The following IRS2 variants were observed in gnomAD, a reference collection of about 807,000 sequenced individuals.
IRS2 encodes insulin receptor substrate 2.
IRS2 carries 28 observed loss-of-function variants against 70.9 expected under a neutral mutation model. The observed-to-expected ratio is 0.39, with a 90% CI of 0.29 to 0.54. IRS2 has a LOEUF of 0.54. Among genes scored for constraint, IRS2 ranks in the 20% least tolerant of loss-of-function variants. The probability of loss-of-function intolerance (pLI) is 0.59; values close to 1 mark genes in which losing one functional copy is unlikely to be tolerated. For synonymous variants in IRS2, 1,217 were observed against 981.9 expected, an observed-to-expected ratio of 1.24 and a Z score of -4.48; for missense variants, 2,081 against 2,024.1, an observed-to-expected ratio of 1.03 and a Z score of -0.54.
intron 1 of IRS2, among the ~76,000 whole-genome samples, chr13:109,757,550 G>A (rs1196930667): frequency 6.6e-6 from 1 of 151,978 alleles, no homozygotes; most frequent in Non-Finnish European, 1.5e-5. Context: ...TGAACTCGAG[G>A]CACTACATGC....
chr13:109,784,376 A>C lies in IRS2; in HGVS notation c.1678T>G (p.Ser560Ala). The change falls in exon 1 of 2, where the codon TCG becomes GCG. Residue 560 changes from serine (S) to alanine (A), a missense_variant. Around this residue, in one of 4 missense-constraint regions of IRS2, gnomAD observed 1,615 missense variants for 1,459.5 expected, o/e 1.11. Transcript: ENST00000375856. This position sits in a 1 kb window ranked among gnomAD's most constrained non-coding sequence, Gnocchi z 5.2. ...SHCGRSYRRV[S>A]GDAAQDLDRG... is the part of the protein sequence containing the mutation. The stretch of plus-strand genomic sequence containing the variant: ...TCCAGGTCCTGGGCCGCGTCCCCCG[A>C]GACCCGGCGGTAGGAGCGGCCACAG... 6.2e-7 allele frequency: 1 copy of C among 1,610,186 alleles called. No homozygotes were observed. The highest frequency in any genetic ancestry group is 8.5e-7 in the Non-Finnish European group (1 of 1,179,430).
intron 1 of IRS2, among the ~76,000 whole-genome samples, chr13:109,770,787 C>A (rs958183239): frequency 6.6e-6 from 1 of 152,232 alleles, no homozygotes; most frequent in South Asian, 2.1e-4. Context: ...GACATCTACT[C>A]TTGTGCTGAC....
At position 109,784,933 on chromosome 13, in the gene IRS2, CCCGCCGCCGCG is replaced by C; in HGVS notation, c.1110_1120del (p.Ala371SerfsTer164). On this transcript the variant is annotated frameshift_variant, in exon 1 of 2. Coordinates refer to ENST00000375856, the MANE Select transcript of IRS2 (RefSeq NM_003749.3). LOFTEE classifies it high-confidence loss of function. The surrounding 1 kb of genome is among the most constrained non-coding windows in gnomAD (Gnocchi z 5.2). ...CGGCCTGGCGCCCGCGGCCGCCGCT[CCCGCCGCCGCG>C]CCGCCGTCGCCCTCGCTGGCGGTGC... 9.3e-7 allele frequency: 1 copy of C among 1,080,838 alleles called. No homozygotes were observed. The highest frequency in any genetic ancestry group is 1.1e-6 in the Non-Finnish European group (1 of 893,256). 67.0% of individuals were successfully genotyped at this position (1,080,838 alleles called of 1,614,324 possible).
In IRS2 at chr13:109,782,662, C is replaced by T. The variant is rs2138930344; in HGVS notation, c.3392G>A (p.Arg1131His). 2 of 1,571,042 alleles carry T rather than the reference C, an allele frequency of 1.3e-6. No homozygotes were observed. Among genetic ancestry groups the T allele is most frequent in the Non-Finnish European group, 1.7e-6 (2 of 1,159,962 alleles). ...LQASQPPDPH[R>H]GAKVIRADPQ... ...GTCTGCGCGGATGACCTTGGCGCCG[C>T]GGTGGGGGTCCGGGGGCTGGCTGGC... Residue 1131 changes from arginine (R) to histidine (H), a missense_variant, in exon 1 of 2, where the codon CGC (arginine) becomes CAC (histidine). By Grantham distance (29) the Arg-to-His change is conservative. Coordinates refer to ENST00000375856, the MANE Select transcript of IRS2 (RefSeq NM_003749.3).
intron 1 of IRS2, among the ~76,000 whole-genome samples, chr13:109,759,670 A>G (rs905625486): frequency 3.5e-5 from 5 of 140,848 alleles, no homozygotes; most frequent in African/African-American, 1.3e-4. Context: ...CCTTTTTCCA[A>G]TTGAGCTGGT....
At chr13:109,772,147 T>C (rs1187837042) in intron 1 of IRS2, among the ~76,000 whole-genome samples, 1 of 152,170 alleles carries the variant, frequency 6.6e-6, no homozygotes, top group Non-Finnish European at 1.5e-5. Flanking sequence ...GCCACTGAGA[T>C]GACGGGATCG....
chr13:109,757,840 C>T (rs908947127), intron 1 of IRS2, among the ~76,000 whole-genome samples: 1 of 152,044 alleles, frequency 6.6e-6, no homozygotes, highest in African/African-American at 2.4e-5. Context: ...TGCCACCATG[C>T]CTGGCTAATT....
chr13:109,770,811 T>C (rs1877437868), intron 1 of IRS2, among the ~76,000 whole-genome samples: 1 of 152,208 alleles, frequency 6.6e-6, no homozygotes, highest in African/African-American at 2.4e-5. Context: ...CGCTGAACTC[T>C]CAATACATTG....
Position 109,782,267 on chromosome 13 carries a change from C to T in IRS2, c.3787G>A (p.Gly1263Arg), listed in dbSNP as rs781421239. The change falls in exon 1 of 2, where the codon GGG becomes AGG. Residue 1263 changes from glycine (G) to arginine (R), a missense_variant. Around this residue, in one of 4 missense-constraint regions of IRS2, gnomAD observed 1,615 missense variants for 1,459.5 expected, o/e 1.11. Transcript: ENST00000375856. ...YIAIDVREEP[G>R]LPPQPQPPPP... Reference sequence around the variant, plus strand: ...GGCGGCTGCGGCTGGGGTGGCAGCCCGGGCTCCTCCCTCACGTCGATGGCG... The same window carrying T: ...GGCGGCTGCGGCTGGGGTGGCAGCCTGGGCTCCTCCCTCACGTCGATGGCG... 2.5e-6 allele frequency: 4 copies of T among 1,609,148 alleles called. No individual in the cohort carries two copies. The highest frequency in any genetic ancestry group is 1.1e-5 in the South Asian group (1 of 90,850).
At chr13:109,758,737 C>CATTT (rs936814820) in intron 1 of IRS2, among the ~76,000 whole-genome samples, 6 of 150,684 alleles carry the variant, frequency 4.0e-5, no homozygotes, top group African/African-American at 1.5e-4. Context: ...TTCATCCATG[C>CATTT]ATTTATTCAT....
Position 109,782,950 on chromosome 13 carries a change from G to C in IRS2, c.3104C>G (p.Pro1035Arg). 7.0e-7 allele frequency: 1 copy of C among 1,434,174 alleles called. No individual in the cohort carries two copies. The highest frequency in any genetic ancestry group is 1.5e-5 in the South Asian group (1 of 65,322). The allele number at this position is 1,434,174 out of a possible 1,614,324, so 88.8% of individuals were successfully genotyped here. A position where few individuals can be genotyped will look rare whatever the true frequency, so the allele number is the denominator to read the frequency against. ...PSSSLQPPPP[P>R]PAPGELYRLP... ...GCGGTACAGCTCCCCCGGGGCCGGC[G>C]GCGGTGGCGGCGGCTGCAGAGACGA... is the stretch of plus-strand genomic sequence containing the variant. The change falls in exon 1 of 2, where the codon CCG (proline) becomes CGG (arginine). Residue 1035 changes from proline (P) to arginine (R), a missense_variant. Coordinates refer to ENST00000375856, the MANE Select transcript of IRS2 (RefSeq NM_003749.3).
rs772168167 is a variant in IRS2, at chr13:109,782,709, C to G, written c.3345G>C (p.Ser1115=). 8.2e-5 allele frequency: 131 copies of G among 1,591,622 alleles called. No individual in the cohort carries two copies. Among genetic ancestry groups the G allele is most frequent in the Middle Eastern group, 6.6e-4 (4 of 6,028 alleles). The part of the protein sequence containing the change: ...VKRLSLMEQV[S]GVEAFLQASQ... ...TGGCCTGCAGGAAGGCCTCGACTCC[C>G]GACACCTGCTCCATGAGGCTCAGCC... Residue 1115 remains serine (S), a synonymous_variant, in exon 1 of 2, where the codon TCG becomes TCC. Coordinates refer to ENST00000375856, the MANE Select transcript of IRS2 (RefSeq NM_003749.3).
At position 109,784,982 on chromosome 13, in the gene IRS2, A is replaced by G. The variant is rs1414576215; in HGVS notation, c.1072T>C (p.Ser358Pro). 8 of 1,371,392 alleles carry G rather than the reference A, an allele frequency of 5.8e-6. No individual in the cohort carries two copies. The East Asian group carries it at 2.4e-4, about 41-fold the overall frequency. The allele number at this position is 1,371,392 out of a possible 1,614,324, so 85.0% of individuals were successfully genotyped here. Residue 358 changes from serine (S) to proline (P), a missense_variant, in exon 1 of 2, where the codon TCG becomes CCG. This residue lies in a region of IRS2 where 111 missense variants were observed against 133.1 expected (regional missense o/e 0.83). Transcript: ENST00000375856. This position sits in a 1 kb window ranked among gnomAD's most constrained non-coding sequence, Gnocchi z 5.2. Reference protein sequence around the residue: ...AATPPAAKCSSCRVRTASEGD... With the variant: ...AATPPAAKCSPCRVRTASEGD... Reference sequence around the variant, plus strand: ...TCGCTGGCGGTGCGCACCCGGCACGAGCTGCACTTGGCCGCCGGCGGGGTG... The same window carrying G: ...TCGCTGGCGGTGCGCACCCGGCACGGGCTGCACTTGGCCGCCGGCGGGGTG...
chr13:109,761,864 A>T (rs1048360658), intron 1 of IRS2, among the ~76,000 whole-genome samples: 1 of 152,212 alleles, frequency 6.6e-6, no homozygotes, highest in Non-Finnish European at 1.5e-5. Flanking sequence ...AATTCCGAAT[A>T]TCAAGTTGCA....
intron 1 of IRS2, among the ~76,000 whole-genome samples, chr13:109,780,404 G>A (rs915253507): frequency 2.0e-5 from 3 of 152,164 alleles, no homozygotes; most frequent in African/African-American, 7.2e-5. Flanking sequence ...GAGAATCACT[G>A]TTCACAGGAT....
chr13:109,784,182 G>A lies in IRS2; in HGVS notation c.1872C>T (p.Ala624=), dbSNP rs765367262. 4 of 1,578,566 alleles carry A rather than the reference G, an allele frequency of 2.5e-6. No homozygotes were observed. The highest frequency in any genetic ancestry group is 3.4e-6 in the Non-Finnish European group (4 of 1,164,624). The part of the protein sequence containing the change: ...PSCPASSPKV[A]YHPYPEDYGD... ...CGTAGTCCTCTGGGTAGGGGTGGTAGGCCACCTTGGGAGAGGACGCGGGGC... is the reference window on the plus strand; with the variant it reads ...CGTAGTCCTCTGGGTAGGGGTGGTAAGCCACCTTGGGAGAGGACGCGGGGC... Residue 624 remains alanine (A), a synonymous_variant, in exon 1 of 2, where the codon GCC becomes GCT. Coordinates refer to ENST00000375856, the MANE Select transcript of IRS2 (RefSeq NM_003749.3). The surrounding 1 kb of genome is among the most constrained non-coding windows in gnomAD (Gnocchi z 5.2).
Position 109,783,200 on chromosome 13 carries a change from T to C in IRS2, c.2854A>G (p.Ser952Gly), listed in dbSNP as rs779094233. The change falls in exon 1 of 2, where the codon AGC becomes GGC. Residue 952 changes from serine to glycine, a missense_variant. By Grantham distance (56) the Ser-to-Gly change is moderately conservative. Coordinates refer to ENST00000375856, the MANE Select transcript of IRS2 (RefSeq NM_003749.3). ...AASSSSLLSA[S>G]SPASSLGSGT... The stretch of plus-strand genomic sequence containing the variant: ...GAGCCCAGCGACGAGGCCGGGCTGC[T>C]GGCGGACAAGAGCGAGGAGGACGAG... 19 of 1,404,502 alleles carry C rather than the reference T, an allele frequency of 1.4e-5. No homozygotes were observed. In the South Asian group the frequency reaches 2.0e-4, roughly 15 times the overall value. 87.0% of individuals were successfully genotyped at this position (1,404,502 alleles called of 1,614,324 possible). A position where few individuals can be genotyped will look rare whatever the true frequency, so the allele number is the denominator to read the frequency against.
chr13:109,767,108 T>C (rs976777103), intron 1 of IRS2, among the ~76,000 whole-genome samples: 5 of 152,178 alleles, frequency 3.3e-5, no homozygotes, highest in Non-Finnish European at 5.9e-5. Flanking sequence ...GTGGGCAGCC[T>C]AGAAACGTGG....
At chr13:109,762,207 T>C (rs1877242282) in intron 1 of IRS2, among the ~76,000 whole-genome samples, 1 of 152,246 alleles carries the variant, frequency 6.6e-6, no homozygotes, top group Non-Finnish European at 1.5e-5. Context: ...GCTATTCGTC[T>C]ATGGCAAGAA....
Sources: gnomAD v4.1 joint callset for allele counts (sites outside exome capture counted in the v4.1 genomes callset) on GRCh38, gnomAD v4.1.1 for gene constraint, gnomAD v4.1.1 regional missense constraint, Gnocchi (gnomAD v3.1) non-coding constraint, MANE v1.5 for transcripts, NCBI Gene and HGNC (gene_info 2026-07-23, HGNC 2026-07-21) for gene names.